Variants in SCML4 observed in about 807,000 individuals in gnomAD.
SCML4 encodes the protein sex comb on midleg-like protein 4.
SCML4 carries 34 observed loss-of-function variants against 41.1 expected under a neutral mutation model. That is an observed-to-expected ratio of 0.83 (90% confidence interval 0.63 to 1.10). The LOEUF (loss-of-function observed/expected upper bound fraction) is 1.10. SCML4 is among the 50% of genes least tolerant of loss of function. SCML4 has a pLI of 0.00. For missense variants in SCML4, 522 were observed against 534.1 expected, an observed-to-expected ratio of 0.98 and a Z score of 0.22; for synonymous variants, 214 against 220.9, an observed-to-expected ratio of 0.97 and a Z score of 0.28.
intron 1 of SCML4, among the ~76,000 whole-genome samples, chr6:107,792,698 C>A (rs1378939283): frequency 6.6e-6 from 1 of 151,208 alleles, no homozygotes; most frequent in Admixed American, 6.6e-5. Context: ...CACCACTGCG[C>A]TCCAGCCTGG....
At chr6:107,798,094 T>A (rs1782845233) in intron 1 of SCML4, among the ~76,000 whole-genome samples, 2 of 152,000 alleles carry the variant, frequency 1.3e-5, no homozygotes, top group African/African-American at 4.8e-5. Flanking sequence ...TCTTATAGTA[T>A]CCTTGTCAAG....
At chr6:107,773,757 A>G (rs1357506061) in intron 1 of SCML4, among the ~76,000 whole-genome samples, 1 of 152,198 alleles carries the variant, frequency 6.6e-6, no homozygotes, top group Non-Finnish European at 1.5e-5. Context: ...GCAGAACTTT[A>G]GACTTTGATT....
the SCML4 span, among the ~76,000 whole-genome samples, chr6:107,839,393 G>GAAAGAAAGAAAGAAAGAAAC: frequency 2.7e-4 from 36 of 134,490 alleles, no homozygotes; most frequent in African/African-American, 1.0e-3. Flanking sequence ...AAGAAAGAAA[G>GAAAGAAAGAAAGAAAGAAAC]AAAGAAAGAA....
intron 1 of SCML4, among the ~76,000 whole-genome samples, chr6:107,819,342 G>A (rs559489736): frequency 6.3e-5 from 7 of 111,620 alleles, no homozygotes; most frequent in Admixed American, 2.8e-4. Flanking sequence ...ATAATGATCA[G>A]CACAGGGAGA....
intron 1 of SCML4, among the ~76,000 whole-genome samples, chr6:107,774,621 AT>A (rs1780774829): frequency 6.6e-6 from 1 of 152,008 alleles, no homozygotes; most frequent in African/African-American, 2.4e-5. Context: ...CTCAGGAATT[AT>A]TTTTTTCCTA....
chr6:107,714,483 C>G (rs189174016), intron 6 of SCML4, among the ~76,000 whole-genome samples: 1 of 152,214 alleles, frequency 6.6e-6, no homozygotes, highest in African/African-American at 2.4e-5. Flanking sequence ...AGCATCCACA[C>G]TTCTCCCTGA....
intron 6 of SCML4, chr6:107,718,739 A>T (rs1775077037): frequency 6.6e-6 from 1 of 152,272 alleles, no homozygotes; most frequent in Non-Finnish European, 1.5e-5. Flanking sequence ...TAGGGCTGAG[A>T]TTGCACCAAC....
At chr6:107,821,388 G>A (rs1275493895) in intron 1 of SCML4, among the ~76,000 whole-genome samples, 3 of 152,180 alleles carry the variant, frequency 2.0e-5, no homozygotes, top group African/African-American at 7.2e-5. Flanking sequence ...GAAATAAGAT[G>A]TCTAGGGAGG....
intron 1 of SCML4, among the ~76,000 whole-genome samples, chr6:107,779,551 C>G (rs952182543): frequency 1.3e-5 from 2 of 152,166 alleles, no homozygotes; most frequent in Admixed American, 6.5e-5. Context: ...GATGCCTAGC[C>G]TCTGCTGGAC....
chr6:107,709,227 C>G (rs988770904), intron 6 of SCML4, among the ~76,000 whole-genome samples: 1 of 152,208 alleles, frequency 6.6e-6, no homozygotes, highest in Non-Finnish European at 1.5e-5. Context: ...GTCAAGGGCT[C>G]TCTTGGTCTT....
intron 4 of SCML4, 36 bp from the exon 5 acceptor site, chr6:107,745,179 C>G: frequency 2.0e-6 from 3 of 1,474,606 alleles, no homozygotes; most frequent in Non-Finnish European, 2.7e-6. Flanking sequence ...TAGAGCCGGG[C>G]ACTGGAGAAA....
rs188063309 is a variant in SCML4 at position 107,792,765 on chromosome 6, C to A, written c.-59-20379G>T. Among the ~76,000 whole-genome samples, 51 of 151,654 alleles carry A rather than the reference C, an allele frequency of 3.4e-4. 1 individual carries two copies. Among genetic ancestry groups the A allele is most frequent in the Admixed American group, 1.6e-3 (24 of 15,226 alleles). The stretch of plus-strand genomic sequence containing the variant: ...AAAAGATAAAAAGGATAAAATATCA[C>A]CCCCAAATGTACCAAAGAGACTTGA... On this transcript the variant is annotated intron_variant, in intron 1 of 7. Transcript: ENST00000369020.
chr6:107,773,589 CAAAAAAA>C (rs5878938), intron 1 of SCML4, among the ~76,000 whole-genome samples: 1 of 76,978 alleles, frequency 1.3e-5, no homozygotes, highest in African/African-American at 4.8e-5. Flanking sequence ...AAGACTGTCT[CAAAAAAA>C]AAAAAAAAAA....
intron 6 of SCML4, among the ~76,000 whole-genome samples, chr6:107,717,494 A>C (rs2114387689): frequency 6.6e-6 from 1 of 152,182 alleles, no homozygotes; most frequent in Middle Eastern, 3.4e-3. Context: ...GGTCCTGCTG[A>C]TTATGGACAA....
Position 107,812,434 on chromosome 6 carries a change from G to T in SCML4, c.-60+11692C>A, listed in dbSNP as rs1357144164. ...ATTTGCCATGTCCGATACCTCCTCT[G>T]ATGTTTAATTTTATGTTTCAACTAG... On this transcript the variant is annotated intron_variant, in intron 1 of 7. Transcript: ENST00000369020. Among the ~76,000 whole-genome samples, 4 of 152,190 alleles carry T rather than the reference G, an allele frequency of 2.6e-5. No homozygotes were observed. The East Asian group carries it at 7.7e-4, about 29-fold the overall frequency.
At chr6:107,802,059 C>T (rs1783181463) in intron 1 of SCML4, among the ~76,000 whole-genome samples, 2 of 152,158 alleles carry the variant, frequency 1.3e-5, no homozygotes, top group African/African-American at 2.4e-5. Context: ...GCGTGAGCCA[C>T]TGCACCCGGC....
At chr6:107,748,154 C>G (rs1392098504) in intron 3 of SCML4, among the ~76,000 whole-genome samples, 2 of 152,110 alleles carry the variant, frequency 1.3e-5, no homozygotes, top group African/African-American at 2.4e-5. Flanking sequence ...TAAAACATAG[C>G]CAAGAAATAG....
chr6:107,738,081 A>G (rs917155497), intron 5 of SCML4, among the ~76,000 whole-genome samples: 1 of 152,122 alleles, frequency 6.6e-6, no homozygotes, highest in East Asian at 1.9e-4. Context: ...AAATTTTAAC[A>G]CTCAAAGGCA....
At chr6:107,725,083 C>CAAATATATGGTTTTATAGAAG (rs1432101436) in intron 5 of SCML4, among the ~76,000 whole-genome samples, 17 of 152,160 alleles carry the variant, frequency 1.1e-4, no homozygotes, top group Admixed American at 1.1e-3. Context: ...ATTAAAGTTA[C>CAAATATATGGTTTTATAGAAG]AAATATATGG....
Sources: allele counts gnomAD v4.1 joint callset (sites outside exome capture counted in the v4.1 genomes callset), GRCh38; gene constraint gnomAD v4.1.1; transcripts MANE v1.5; gene names NCBI Gene and HGNC (gene_info 2026-07-23, HGNC 2026-07-21).